The following SFTPC variants were observed in gnomAD, a reference collection of about 807,000 sequenced individuals.
SFTPC encodes surfactant protein C.
A neutral mutation model predicts 19.9 loss-of-function variants in SFTPC; 12 were observed. That is an observed-to-expected ratio of 0.60 (90% CI 0.39 to 0.98). SFTPC has a LOEUF of 0.98. Ranked by LOEUF, SFTPC falls within the 50% of genes least tolerant of loss-of-function variation. The pLI is 0.00. For synonymous variants in SFTPC, 123 were observed against 103.3 expected (o/e 1.19, Z -1.16); for missense variants, 219 against 252.2 (o/e 0.87, Z 0.89).
chr8:22,164,322 C>T lies in SFTPC; in HGVS notation c.*75C>T. ...GCCCCGGGCAAAGGGTCTTTTGCAGCTTTTGCAGACGGGCAAGAAGCTGCT... is the reference window on the plus strand; with the variant it reads ...GCCCCGGGCAAAGGGTCTTTTGCAGTTTTTGCAGACGGGCAAGAAGCTGCT... On this transcript the variant is annotated 3_prime_UTR_variant, in exon 6 of 6. Transcript: ENST00000679463. 1 of 1,536,160 alleles carries T rather than the reference C, an allele frequency of 6.5e-7. No homozygotes were observed.
Position 22,163,975 on chromosome 8 carries a change from G to A in SFTPC, c.510G>A (p.Gly170=), listed in dbSNP as rs1827907821. ...ATGCAGGCTCAGCACCCTCCGGAGG[G>A]GACCCGGCCTTCCTGGGCATGGCCG... ...GRDAGSAPSG[G]DPAFLGMAVS... Residue 170 remains glycine, a synonymous_variant, in exon 5 of 6, where the codon GGG becomes GGA. Transcript: ENST00000679463. The A allele has an allele frequency of 6.2e-7, 1 of 1,612,996 alleles. No homozygotes were observed. The highest frequency in any genetic ancestry group is 2.2e-5 in the East Asian group (1 of 44,890).
At chr8:22,159,858 G>C (rs1371358423), upstream of SFTPC, 18 of 1,289,100 alleles carry the variant, frequency 1.4e-5, no homozygotes, top group Non-Finnish European at 1.8e-5. Context: ...CAGTACTCGT[G>C]AGTCAGCCGA....
intron 2 of SFTPC, 104 bp downstream of exon 2, chr8:22,162,836 G>A (rs1031697771): frequency 1.6e-5 from 23 of 1,478,628 alleles, no homozygotes; most frequent in Non-Finnish European, 2.2e-5. Flanking sequence ...GAGGGGAGGA[G>A]GCAAGGGGCA....
upstream of SFTPC, chr8:22,161,752 C>G (rs549699699): frequency 2.1e-4 from 339 of 1,613,344 alleles, 5 homozygotes; most frequent in South Asian, 3.4e-3. Flanking sequence ...ACCTCTGTCC[C>G]CTCTCCCTAC....
chr8:22,159,974 C>G, upstream of SFTPC: 1 of 536,998 alleles, frequency 1.9e-6, no homozygotes, highest in Non-Finnish European at 3.0e-6. Flanking sequence ...CACCTGCACA[C>G]AGCTGAGGCC....
Position 22,164,353 on chromosome 8 carries a change from C to G in SFTPC, c.*106C>G. ...CAGACGGGCAAGAAGCTGCTTCTGC[C>G]CACACCGCAGGGACAAGCCCTGGAG... On this transcript the variant is annotated 3_prime_UTR_variant, in exon 6 of 6. Transcript: ENST00000679463. 6.5e-7 allele frequency: 1 copy of G among 1,536,014 alleles called. No individual in the cohort carries two copies. The highest frequency in any genetic ancestry group is 8.7e-7 in the Non-Finnish European group (1 of 1,146,846).
At chr8:22,159,542 G>A (rs1827632008), upstream of SFTPC, 1 of 369,760 alleles carries the variant, frequency 2.7e-6, no homozygotes, top group Non-Finnish European at 5.3e-6. Flanking sequence ...CAGCCCTCAA[G>A]CAAGCAAAAA....
chr8:22,161,546 T>G, upstream of SFTPC: 2 of 702,170 alleles, frequency 2.8e-6, no homozygotes, highest in Non-Finnish European at 4.5e-6. Context: ...TGGTGAGAAG[T>G]GCAGATGGCC....
At position 22,163,172 on chromosome 8, in the gene SFTPC, C is replaced by T. The variant is rs772431756; in HGVS notation, c.294C>T (p.Ser98=). The change falls in exon 3 of 6, where the codon TCC becomes TCT. Residue 98 remains serine, a synonymous_variant. Transcript: ENST00000679463. ...CCACTGCCACCTTCTCCATCGGCTC[C>T]ACTGGCCTCGTGGTGTATGACTACC... ...LVTTATFSIG[S]TGLVVYDYQQ... 1 of 1,614,220 alleles carries T rather than the reference C, an allele frequency of 6.2e-7. No individual in the cohort carries two copies. The highest frequency in any genetic ancestry group is 8.5e-7 in the Non-Finnish European group (1 of 1,180,030).
At chr8:22,160,224 T>G (rs1827661855), upstream of SFTPC, among the ~76,000 whole-genome samples, 1 of 150,706 alleles carries the variant, frequency 6.6e-6, no homozygotes, top group Non-Finnish European at 1.5e-5. Flanking sequence ...GCCCTCCAGA[T>G]GGAGAGGGGG....
chr8:22,162,748 T>G lies in SFTPC; in HGVS notation c.201+16T>G. The G allele has an allele frequency of 6.2e-7, 1 of 1,613,828 alleles. No homozygotes were observed. Among genetic ancestry groups the G allele is most frequent in the Non-Finnish European group, 8.5e-7 (1 of 1,179,898 alleles). ...CACGGAGATGGTGAGAGGTGTGGGA[T>G]GCACAGCAGTGGGCACAGGACATGC... is the stretch of plus-strand genomic sequence containing the variant. On this transcript the variant is annotated intron_variant, in intron 2 of 5. Transcript: ENST00000679463.
chr8:22,159,665 G>A (rs1230299832), upstream of SFTPC: 2 of 672,484 alleles, frequency 3.0e-6, no homozygotes, highest in African/African-American at 1.9e-5. Flanking sequence ...AAGAGCAGAG[G>A]CTTTTTCAAA....
upstream of SFTPC, chr8:22,159,601 AG>A: frequency 2.5e-6 from 1 of 402,378 alleles, no homozygotes. Flanking sequence ...GCCGCCACAG[AG>A]CTTGTGACAG....
In SFTPC at chr8:22,163,465, C is replaced by T; in HGVS notation, c.354C>T (p.Gly118=). 1 of 1,614,104 alleles carries T rather than the reference C, an allele frequency of 6.2e-7. No individual in the cohort carries two copies. Residue 118 remains glycine (G), a synonymous_variant, in exon 4 of 6, where the codon GGC becomes GGT. Transcript: ENST00000679463. ...QLLIAYKPAP[G]TCCYIMKIAP... ...TGATCGCCTACAAGCCAGCCCCTGGCACCTGCTGCTACATCATGAAGATAG... is the reference window on the plus strand; with the variant it reads ...TGATCGCCTACAAGCCAGCCCCTGGTACCTGCTGCTACATCATGAAGATAG...
At chr8:22,161,662 G>C, upstream of SFTPC, 1 of 1,594,034 alleles carries the variant, frequency 6.3e-7, no homozygotes, top group Non-Finnish European at 8.5e-7. Context: ...GGGCTTATCT[G>C]GGCTTCGGTT....
At position 22,161,977 on chromosome 8, in the gene SFTPC, C is replaced by T. The variant is rs1242866677; in HGVS notation, c.42+107C>T. ...CTGTTTCCTTATCCAGATCCATTCACTCAACTAACCTAGGACTGTGATAAG... is the reference window on the plus strand; with the variant it reads ...CTGTTTCCTTATCCAGATCCATTCATTCAACTAACCTAGGACTGTGATAAG... On this transcript the variant is annotated intron_variant, in intron 1 of 5. Transcript: ENST00000679463. The T allele has an allele frequency of 9.8e-6, 11 of 1,119,048 alleles. No homozygotes were observed. In the Admixed American group the frequency reaches 1.7e-4, roughly 17 times the overall value. The allele number at this position is 1,119,048 out of a possible 1,614,324, so 69.3% of individuals were successfully genotyped here.
upstream of SFTPC, among the ~76,000 whole-genome samples, chr8:22,160,168 G>T (rs933133877): frequency 2.6e-5 from 4 of 152,198 alleles, no homozygotes; most frequent in Admixed American, 2.6e-4. Context: ...CTTCTCAGGG[G>T]CTCTCAGTTC....
Position 22,164,257 on chromosome 8 carries a change from G to C in SFTPC, c.*19-9G>C, listed in dbSNP as rs1827939029. ...CTCTGTCCATCCTCAACATTCCTTT[G>C]CTTCACAGGGTCAGTGGAAGCCCCA... On this transcript the variant is annotated splice_polypyrimidine_tract_variant and intron_variant, in intron 5 of 5. Transcript: ENST00000679463. 3 of 1,536,172 alleles carry C rather than the reference G, an allele frequency of 2.0e-6. No homozygotes were observed. Among genetic ancestry groups the C allele is most frequent in the Non-Finnish European group, 2.6e-6 (3 of 1,146,898 alleles).
upstream of SFTPC, chr8:22,159,211 C>G (rs1301927013): frequency 1.9e-5 from 3 of 158,694 alleles, no homozygotes; most frequent in African/African-American, 7.2e-5. Context: ...GCCAGGAGAT[C>G]AACGCTGCAG....
Sources: gnomAD v4.1 joint callset for allele counts (sites outside exome capture counted in the v4.1 genomes callset) on GRCh38, gnomAD v4.1.1 for gene constraint, MANE v1.5 for transcripts, NCBI Gene and HGNC (gene_info 2026-07-23, HGNC 2026-07-21) for gene names.